PCDHGA2: variants seen among roughly 807,000 people sequenced by gnomAD.
PCDHGA2 encodes protocadherin gamma-A2.
In PCDHGA2, 40 loss-of-function variants were observed where a neutral mutation model predicts 59.2. That is an observed-to-expected ratio of 0.68 (90% CI 0.52 to 0.88). The LOEUF (loss-of-function observed/expected upper bound fraction) is 0.88. Among genes scored for constraint, PCDHGA2 ranks in the 40% least tolerant of loss-of-function variants. The pLI is 0.00. For synonymous variants in PCDHGA2, 560 were observed against 526.0 expected (o/e 1.06, Z -0.89); for missense variants, 1,226 against 1,204.0 (o/e 1.02, Z -0.27).
intron 1 of PCDHGA2, chr5:141,375,260 G>A: frequency 6.2e-7 from 1 of 1,613,874 alleles, no homozygotes; most frequent in Non-Finnish European, 8.5e-7. Flanking sequence ...TCTCCCATTT[G>A]AATTGGAAAA....
At chr5:141,350,332 C>T (rs774589363) in intron 1 of PCDHGA2, 1 of 1,537,558 alleles carries the variant, frequency 6.5e-7, no homozygotes, top group Non-Finnish European at 8.7e-7. Flanking sequence ...CTTTGTTCTG[C>T]GGGGCCATCT....
Position 141,433,407 on chromosome 5 carries a change from T to C in PCDHGA2, c.2425-61400T>C, listed in dbSNP as rs939103465. Among the ~76,000 whole-genome samples, 537 of 125,956 alleles carry C rather than the reference T, an allele frequency of 4.3e-3. 4 individuals carry two copies. Among genetic ancestry groups the C allele is most frequent in the African/African-American group, 0.016 (523 of 33,156 alleles). The allele number at this position is 125,956 out of a possible 152,430, so 82.6% of individuals were successfully genotyped here. On this transcript the variant is annotated intron_variant, in intron 1 of 3. Coordinates refer to ENST00000394576, the MANE Select transcript of PCDHGA2 (RefSeq NM_018915.4). ...TCTATCTATCTATCTATCTATCTATTACTTTCTTGTACAGACAGGAGTCTC... is the reference window on the plus strand; with the variant it reads ...TCTATCTATCTATCTATCTATCTATCACTTTCTTGTACAGACAGGAGTCTC...
At chr5:141,405,543 C>T (rs1027086926) in intron 1 of PCDHGA2, 27 of 634,834 alleles carry the variant, frequency 4.3e-5, no homozygotes, top group Non-Finnish European at 7.1e-5. Flanking sequence ...CCTCAGCCTC[C>T]CAAGTAGAGT....
rs776737236 is a variant in PCDHGA2, at chr5:141,431,439, G to T, written c.2425-63368G>T. 20 of 1,613,724 alleles carry T rather than the reference G, an allele frequency of 1.2e-5. No individual in the cohort carries two copies. The highest frequency in any genetic ancestry group is 4.5e-5 in the East Asian group (2 of 44,888). Reference sequence around the variant, plus strand: ...GACCCGGTGCGCACAGGCACCGCGCGCATCCGCGTGATGGTTCTGGATGCG... The same window carrying T: ...GACCCGGTGCGCACAGGCACCGCGCTCATCCGCGTGATGGTTCTGGATGCG... On this transcript the variant is annotated intron_variant, in intron 1 of 3. Coordinates refer to ENST00000394576, the MANE Select transcript of PCDHGA2 (RefSeq NM_018915.4). This position sits in a 1 kb window ranked among gnomAD's most constrained non-coding sequence, Gnocchi z 4.8.
chr5:141,387,726 G>C, intron 1 of PCDHGA2: 7 of 1,198,740 alleles, frequency 5.8e-6, no homozygotes, highest in Non-Finnish European at 8.0e-6. Context: ...ACTCCCCAGC[G>C]CCAGCCTTTA....
At chr5:141,467,987 A>G (rs888811899) in intron 1 of PCDHGA2, among the ~76,000 whole-genome samples, 10 of 152,216 alleles carry the variant, frequency 6.6e-5, no homozygotes, top group Non-Finnish European at 8.8e-5. Flanking sequence ...TCAGAAAACC[A>G]CAATTCTTTC....
intron 1 of PCDHGA2, among the ~76,000 whole-genome samples, chr5:141,449,909 A>G (rs2098658849): frequency 6.6e-6 from 1 of 151,828 alleles, no homozygotes; most frequent in Non-Finnish European, 1.5e-5. Context: ...TATAGTCCAT[A>G]TTTAAATTCT....
intron 1 of PCDHGA2, among the ~76,000 whole-genome samples, chr5:141,456,640 TG>T (rs1258175023): frequency 6.6e-6 from 1 of 152,130 alleles, no homozygotes; most frequent in Non-Finnish European, 1.5e-5. Flanking sequence ...TTACTACAGG[TG>T]TTAATCCCAA....
At position 141,485,396 on chromosome 5, in the gene PCDHGA2, T is replaced by C. The variant is rs1466959644; in HGVS notation, c.2425-9411T>C. 2.5e-6 allele frequency: 4 copies of C among 1,614,042 alleles called. No homozygotes were observed. Among genetic ancestry groups the C allele is most frequent in the Non-Finnish European group, 3.4e-6 (4 of 1,179,960 alleles). On this transcript the variant is annotated intron_variant, in intron 1 of 3. Coordinates refer to ENST00000394576, the MANE Select transcript of PCDHGA2 (RefSeq NM_018915.4). The surrounding 1 kb of genome is among the most constrained non-coding windows in gnomAD (Gnocchi z 5.7). ...CGCTGGAGAGGTGAACCAAAGACAC[T>C]TCCGTGTGGATTTGGACAGCGGAGC...
Position 141,339,254 on chromosome 5 carries a change from C to T in PCDHGA2, c.283C>T (p.Leu95Phe), listed in dbSNP as rs569931979. ...TGCGAACAGGATAGACCGGGAGGAG[C>T]TCTGCGCTCAGAGCGCACCCTGTCT... ...VTANRIDREELCAQSAPCLLN... is the reference protein window; with the variant it reads ...VTANRIDREEFCAQSAPCLLN... The change falls in exon 1 of 4, where the codon CTC becomes TTC. Residue 95 changes from leucine (L) to phenylalanine (F), a missense_variant. Coordinates refer to ENST00000394576, the MANE Select transcript of PCDHGA2 (RefSeq NM_018915.4). 37 of 1,614,242 alleles carry T rather than the reference C, an allele frequency of 2.3e-5. No homozygotes were observed. In the Admixed American group the frequency reaches 4.7e-4, roughly 20 times the overall value.
chr5:141,510,804 T>C (rs965530116), intron 3 of PCDHGA2, 143 bp from the exon 4 acceptor site: 2 of 1,504,768 alleles, frequency 1.3e-6, no homozygotes, highest in Admixed American at 2.0e-5. Flanking sequence ...AGAGACTACC[T>C]TGGTGACCCC....
intron 1 of PCDHGA2, chr5:141,345,143 C>G: frequency 6.2e-7 from 1 of 1,613,992 alleles, no homozygotes; most frequent in African/African-American, 1.3e-5. Context: ...CTCTTATCGA[C>G]GTGCATGACC....
At chr5:141,362,014 C>G (rs748394772) in intron 1 of PCDHGA2, 5 of 1,605,936 alleles carry the variant, frequency 3.1e-6, no homozygotes, top group African/African-American at 1.3e-5. Context: ...GGGTGAGGTG[C>G]GCACAGCGCG....
chr5:141,487,749 A>G lies in PCDHGA2; in HGVS notation c.2425-7058A>G, dbSNP rs574710316. 3.9e-5 allele frequency: 60 copies of G among 1,557,180 alleles called. No homozygotes were observed. The African/African-American group carries it at 5.6e-4, about 14-fold the overall frequency. ...GTCACCATTTTTGTAAGAGGTAACT[A>G]TGTGGTAGACGCTGTGCTTTGTAAC... is the stretch of plus-strand genomic sequence containing the variant. On this transcript the variant is annotated intron_variant, in intron 1 of 3. Coordinates refer to ENST00000394576, the MANE Select transcript of PCDHGA2 (RefSeq NM_018915.4). The surrounding 1 kb of genome is among the most constrained non-coding windows in gnomAD (Gnocchi z 5.0).
At chr5:141,492,512 T>A (rs2099741406) in intron 1 of PCDHGA2, among the ~76,000 whole-genome samples, 1 of 152,116 alleles carries the variant, frequency 6.6e-6, no homozygotes, top group Admixed American at 6.5e-5. Flanking sequence ...GAGCCTCCTC[T>A]CACCTCTCCC....
chr5:141,448,323 A>G (rs2098582223), intron 1 of PCDHGA2, among the ~76,000 whole-genome samples: 1 of 152,080 alleles, frequency 6.6e-6, no homozygotes, highest in Non-Finnish European at 1.5e-5. Flanking sequence ...TTTTCTTTGA[A>G]TCTTTATAGC....
chr5:141,390,041 C>T (rs373243233), intron 1 of PCDHGA2: 2 of 1,614,058 alleles, frequency 1.2e-6, no homozygotes, highest in Non-Finnish European at 1.7e-6. Context: ...CCTCCAGCCC[C>T]GCCTCCTGGA....
At chr5:141,359,702 A>G (rs1341574293) in intron 1 of PCDHGA2, among the ~76,000 whole-genome samples, 1 of 152,168 alleles carries the variant, frequency 6.6e-6, no homozygotes, top group African/African-American at 2.4e-5. Flanking sequence ...CCGGAAGGAT[A>G]CCTAAGAAAC....
chr5:141,345,648 A>G (rs762235599), intron 1 of PCDHGA2: 1 of 1,614,204 alleles, frequency 6.2e-7, no homozygotes. Context: ...CGACAGCGGG[A>G]ACCCTCCACT....
Sources: allele counts gnomAD v4.1 joint callset (sites outside exome capture counted in the v4.1 genomes callset), GRCh38; gene constraint gnomAD v4.1.1; non-coding constraint Gnocchi (gnomAD v3.1); transcripts MANE v1.5; gene names NCBI Gene and HGNC (gene_info 2026-07-23, HGNC 2026-07-21).